Variants in DSPP observed in about 807,000 individuals in gnomAD.
DSPP encodes dentin sialophosphoprotein.
Under a neutral mutation model 29.1 loss-of-function variants are expected in DSPP, and 28 were observed. The ratio of observed to expected loss-of-function variants is 0.96; its 90% CI spans 0.71 to 1.32. The LOEUF is 1.32. DSPP is among the 40% of genes most tolerant of loss of function. The pLI is 0.00. For synonymous variants in DSPP, 481 were observed against 503.4 expected (o/e 0.96, Z 0.60); for missense variants, 1,281 against 1,629.9 (o/e 0.79, Z 3.69).
rs1489598047 is a variant in DSPP, at chr4:87,614,506, ATAG to A, written c.1849_1851del (p.Ser617del). The A allele has an allele frequency of 9.7e-6, 15 of 1,551,438 alleles. No individual in the cohort carries two copies. The highest frequency in any genetic ancestry group is 5.9e-5 in the South Asian group (5 of 84,036). On this transcript the variant is annotated inframe_deletion, in exon 5 of 5. Coordinates refer to ENST00000651931, the MANE Select transcript of DSPP (RefSeq NM_014208.3). ...AGCAGTGATAGCAGTGACAGTAGTGATAGTAGTGACAGCAGTGACAGCAAGTCA... is the reference window on the plus strand; with the variant it reads ...AGCAGTGATAGCAGTGACAGTAGTGATAGTGACAGCAGTGACAGCAAGTCA...
At position 87,613,513 on chromosome 4, in the gene DSPP, A is replaced by G. The variant is rs544290267; in HGVS notation, c.1122+205A>G. On this transcript the variant is annotated intron_variant, in intron 4 of 4. Coordinates refer to ENST00000651931, the MANE Select transcript of DSPP (RefSeq NM_014208.3). ...TTACATTTCTGATAACTTAGTTATAATTCTAGAAAAGTCTTATGTGAAATC... is the reference window on the plus strand; with the variant it reads ...TTACATTTCTGATAACTTAGTTATAGTTCTAGAAAAGTCTTATGTGAAATC... Among the ~76,000 whole-genome samples the G allele has an allele frequency of 7.9e-4, 120 of 152,342 alleles. 1 individual carries two copies. In the South Asian group the frequency reaches 0.023, roughly 29 times the overall value.
In DSPP at chr4:87,614,623, G is replaced by A; in HGVS notation, c.1961G>A (p.Ser654Asn). ...AACAGCAGTGACAGTAGTGACAACA[G>A]TGATAGCAGCGACAGCAGCAATAGC... ...DSNSSDSSDN[S>N]DSSDSSNSSN... The change falls in exon 5 of 5, where the codon AGT (serine) becomes AAT (asparagine). Residue 654 changes from serine to asparagine, a missense_variant. Coordinates refer to ENST00000651931, the MANE Select transcript of DSPP (RefSeq NM_014208.3). The A allele has an allele frequency of 1.9e-6, 3 of 1,547,344 alleles. No homozygotes were observed. Among genetic ancestry groups the A allele is most frequent in the Non-Finnish European group, 2.6e-6 (3 of 1,143,604 alleles).
chr4:87,613,693 T>A lies in DSPP; in HGVS notation c.1123-92T>A, dbSNP rs886669764. 5.1e-6 allele frequency: 8 copies of A among 1,572,704 alleles called. No individual in the cohort carries two copies. In the East Asian group the frequency reaches 1.8e-4, roughly 35 times the overall value. ...ACTAGAAATGTAACTCCTATCCCTA[T>A]GGCAACTTTTCCCAGTTATTCTTCC... On this transcript the variant is annotated intron_variant, in intron 4 of 4. Coordinates refer to ENST00000651931, the MANE Select transcript of DSPP (RefSeq NM_014208.3).
chr4:87,613,958 A>G lies in DSPP; in HGVS notation c.1296A>G (p.Pro432=). The stretch of plus-strand genomic sequence containing the variant: ...AAGGACCTGGCCAAAAATCAGAACC[A>G]GGAAATAAAGTTGGACACAGCAATA... ...NIEGPGQKSE[P]GNKVGHSNTG... The change falls in exon 5 of 5, where the codon CCA becomes CCG. Residue 432 remains proline, a synonymous_variant. Transcript: ENST00000651931. 1.9e-6 allele frequency: 3 copies of G among 1,614,248 alleles called. No homozygotes were observed. Among genetic ancestry groups the G allele is most frequent in the Non-Finnish European group, 2.5e-6 (3 of 1,180,040 alleles).
intron 1 of DSPP, 22 bp downstream of exon 1, chr4:87,608,642 A>C (rs1560476543): frequency 6.6e-6 from 1 of 152,308 alleles, no homozygotes; most frequent in Non-Finnish European, 1.5e-5. Context: ...TATCCTTTTT[A>C]CTCAGAACCA....
Position 87,614,522 on chromosome 4 carries a change from T to G in DSPP, c.1860T>G (p.Ser620Arg). The G allele has an allele frequency of 6.4e-7, 1 of 1,550,774 alleles. No individual in the cohort carries two copies. The highest frequency in any genetic ancestry group is 8.7e-7 in the Non-Finnish European group (1 of 1,146,702). ...ACAGTAGTGATAGTAGTGACAGCAG[T>G]GACAGCAAGTCAGACAGCAGCAAAT... ...SSDSSDSSDS[S>R]DSKSDSSKSE... Residue 620 changes from serine to arginine, a missense_variant, in exon 5 of 5, where the codon AGT becomes AGG. Transcript: ENST00000651931.
Position 87,612,622 on chromosome 4 carries a change from G to T in DSPP, c.436G>T (p.Ala146Ser), listed in dbSNP as rs1727758761. The change falls in exon 4 of 5, where the codon GCT becomes TCT. Residue 146 changes from alanine (A) to serine (S), a missense_variant. Around this residue, in one of 4 missense-constraint regions of DSPP, gnomAD observed 631 missense variants for 643.2 expected, o/e 0.98. Transcript: ENST00000651931. Reference protein sequence around the residue: ...IQGQVSIIDNAGATNRSNTNG... With the variant: ...IQGQVSIIDNSGATNRSNTNG... ...GGGACAAGTAAGCATCATTGACAAT[G>T]CTGGAGCCACAAACAGAAGCAACAC... 6.2e-7 allele frequency: 1 copy of T among 1,613,978 alleles called. No homozygotes were observed. Among genetic ancestry groups the T allele is most frequent in the African/African-American group, 1.3e-5 (1 of 74,916 alleles).
intron 2 of DSPP, 63 bp from the exon 3 acceptor site, chr4:87,612,042 C>T (rs1727744084): frequency 5.9e-6 from 8 of 1,357,700 alleles, no homozygotes; most frequent in Non-Finnish European, 8.3e-6. Flanking sequence ...TGTGTGTGTG[C>T]ACGCTCACAC....
At position 87,615,530 on chromosome 4, in the gene DSPP, C is replaced by G; in HGVS notation, c.2868C>G (p.Ser956Arg). Residue 956 changes from serine (S) to arginine (R), a missense_variant, in exon 5 of 5, where the codon AGC becomes AGG. By Grantham distance (110) the Ser-to-Arg change is moderately radical. Coordinates refer to ENST00000651931, the MANE Select transcript of DSPP (RefSeq NM_014208.3). ...GTGACAGCAGTAATAGTAGTGACAG[C>G]AGCAATAGCAGTGACAGCAGCAACA... ...DSSDSSNSSD[S>R]SNSSDSSNSS... 1 of 1,549,978 alleles carries G rather than the reference C, an allele frequency of 6.5e-7. No homozygotes were observed. The highest frequency in any genetic ancestry group is 2.0e-5 in the Admixed American group (1 of 50,888).
rs1245622564 is a variant in DSPP at position 87,614,312 on chromosome 4, T to C, written c.1650T>C (p.Ser550=). 2 of 1,613,014 alleles carry C rather than the reference T, an allele frequency of 1.2e-6. No individual in the cohort carries two copies. The highest frequency in any genetic ancestry group is 2.7e-5 in the African/African-American group (2 of 74,868). ...GTGGCAAAGGTAAATCAGATAGCAGTGACAGTGATAGTAGTGATAGCAGCA... is the reference window on the plus strand; with the variant it reads ...GTGGCAAAGGTAAATCAGATAGCAGCGACAGTGATAGTAGTGATAGCAGCA... The part of the protein sequence containing the change: ...SDSGKGKSDS[S]DSDSSDSSNS... Residue 550 remains serine, a synonymous_variant, in exon 5 of 5, where the codon AGT becomes AGC. Coordinates refer to ENST00000651931, the MANE Select transcript of DSPP (RefSeq NM_014208.3).
Position 87,610,864 on chromosome 4 carries a change from G to A in DSPP, c.-28-17G>A. 6.5e-7 allele frequency: 1 copy of A among 1,530,686 alleles called. No individual in the cohort carries two copies. Among genetic ancestry groups the A allele is most frequent in the Non-Finnish European group, 9.1e-7 (1 of 1,104,492 alleles). The allele number at this position is 1,530,686 out of a possible 1,614,324, so 94.8% of individuals were successfully genotyped here. On this transcript the variant is annotated splice_polypyrimidine_tract_variant and intron_variant, in intron 1 of 4. Transcript: ENST00000651931. ...TTTACTTTATAAGTAATTTTGTGCT[G>A]TTCCTTTTTTATACAGCCATTGATT...
Position 87,612,908 on chromosome 4 carries a change from A to G in DSPP, c.722A>G (p.Asn241Ser), listed in dbSNP as rs1224691214. ...PGTGEDAGLD[N>S]SDGSPSGNGA... Reference sequence around the variant, plus strand: ...ACTGGAGAAGATGCTGGCCTGGATAATTCCGATGGGAGTCCTAGTGGGAAT... The same window carrying G: ...ACTGGAGAAGATGCTGGCCTGGATAGTTCCGATGGGAGTCCTAGTGGGAAT... The change falls in exon 4 of 5, where the codon AAT becomes AGT. Residue 241 changes from asparagine to serine, a missense_variant. Asn to Ser is a conservative substitution (Grantham distance 46). This residue lies in a region of DSPP where 631 missense variants were observed against 643.2 expected (regional missense o/e 0.98). Coordinates refer to ENST00000651931, the MANE Select transcript of DSPP (RefSeq NM_014208.3). The G allele has an allele frequency of 3.1e-6, 5 of 1,614,058 alleles. No homozygotes were observed. Among genetic ancestry groups the G allele is most frequent in the Non-Finnish European group, 4.2e-6 (5 of 1,180,030 alleles).
Position 87,613,908 on chromosome 4 carries a change from A to G in DSPP, c.1246A>G (p.Thr416Ala). ...GATCTTGGGCAAAGGCAATGTCAAGACACAAGGAGAGGTTGTCAACATAGA... is the reference window on the plus strand; with the variant it reads ...GATCTTGGGCAAAGGCAATGTCAAGGCACAAGGAGAGGTTGTCAACATAGA... The part of the protein sequence containing the change: ...GMILGKGNVK[T>A]QGEVVNIEGP... Residue 416 changes from threonine to alanine, a missense_variant, in exon 5 of 5, where the codon ACA (threonine) becomes GCA (alanine). This residue lies in a region of DSPP where 631 missense variants were observed against 643.2 expected (regional missense o/e 0.98). Coordinates refer to ENST00000651931, the MANE Select transcript of DSPP (RefSeq NM_014208.3). 1.2e-6 allele frequency: 2 copies of G among 1,614,250 alleles called. No individual in the cohort carries two copies.
At position 87,614,619 on chromosome 4, in the gene DSPP, A is replaced by C; in HGVS notation, c.1957A>C (p.Asn653His). The change falls in exon 5 of 5, where the codon AAC (asparagine) becomes CAC (histidine). Residue 653 changes from asparagine to histidine, a missense_variant. By Grantham distance (68) the Asn-to-His change is moderately conservative. Around this residue, in one of 4 missense-constraint regions of DSPP, gnomAD observed 444 missense variants for 611.4 expected, o/e 0.73. Coordinates refer to ENST00000651931, the MANE Select transcript of DSPP (RefSeq NM_014208.3). ...CAGCAACAGCAGTGACAGTAGTGAC[A>C]ACAGTGATAGCAGCGACAGCAGCAA... ...SDSNSSDSSD[N>H]SDSSDSSNSS... The C allele has an allele frequency of 6.5e-7, 1 of 1,548,272 alleles. No homozygotes were observed. Among genetic ancestry groups the C allele is most frequent in the African/African-American group, 1.4e-5 (1 of 73,060 alleles).
Position 87,616,347 on chromosome 4 carries a change from A to T in DSPP, c.3685A>T (p.Ser1229Cys). ...SSDSSDSSDS[S>C]DSNESSDSSD... ...CGACAGCAGTGACAGCAGCGACAGC[A>T]GTGACAGCAATGAAAGCAGCGACAG... is the stretch of plus-strand genomic sequence containing the variant. The change falls in exon 5 of 5, where the codon AGT (serine) becomes TGT (cysteine). Residue 1229 changes from serine to cysteine, a missense_variant. Coordinates refer to ENST00000651931, the MANE Select transcript of DSPP (RefSeq NM_014208.3). The T allele has an allele frequency of 6.6e-7, 1 of 1,513,664 alleles. No individual in the cohort carries two copies. Among genetic ancestry groups the T allele is most frequent in the Non-Finnish European group, 8.9e-7 (1 of 1,122,172 alleles). The allele number at this position is 1,513,664 out of a possible 1,614,324, so 93.8% of individuals were successfully genotyped here.
In DSPP at chr4:87,614,634, G is replaced by GACAGCAGCAATAGCAGTA; in HGVS notation, c.1980_1997dup (p.Asn661_Ser666dup). The GACAGCAGCAATAGCAGTA allele has an allele frequency of 6.5e-7, 1 of 1,542,828 alleles. No individual in the cohort carries two copies. The stretch of plus-strand genomic sequence containing the variant: ...CAGTAGTGACAACAGTGATAGCAGC[G>GACAGCAGCAATAGCAGTA]ACAGCAGCAATAGCAGTAACAGCAG... On this transcript the variant is annotated inframe_insertion, in exon 5 of 5. Coordinates refer to ENST00000651931, the MANE Select transcript of DSPP (RefSeq NM_014208.3).
In DSPP at chr4:87,614,645, TAGC is replaced by T; in HGVS notation, c.1986_1988del (p.Ser663del). 4 of 1,542,246 alleles carry T rather than the reference TAGC, an allele frequency of 2.6e-6. No individual in the cohort carries two copies. Among genetic ancestry groups the T allele is most frequent in the Non-Finnish European group, 3.5e-6 (4 of 1,140,118 alleles). On this transcript the variant is annotated inframe_deletion, in exon 5 of 5. Coordinates refer to ENST00000651931, the MANE Select transcript of DSPP (RefSeq NM_014208.3). ...ACAGTGATAGCAGCGACAGCAGCAA[TAGC>T]AGTAACAGCAGTGATAGTAGTGACA...
At position 87,615,801 on chromosome 4, in the gene DSPP, G is replaced by C. The variant is rs770239442; in HGVS notation, c.3139G>C (p.Asp1047His). Residue 1047 changes from aspartate (D) to histidine (H), a missense_variant, in exon 5 of 5, where the codon GAT (aspartate) becomes CAT (histidine). Coordinates refer to ENST00000651931, the MANE Select transcript of DSPP (RefSeq NM_014208.3). ...CAGCAGCGATAGCAGTGACAGCAGC[G>C]ATAGCAGTGACAGCAGTGACAGCAG... ...SDSSDSSDSS[D>H]SSDSSDSSNS... The C allele has an allele frequency of 6.7e-7, 1 of 1,489,864 alleles. No homozygotes were observed. Among genetic ancestry groups the C allele is most frequent in the South Asian group, 1.2e-5 (1 of 80,812 alleles). 92.3% of individuals were successfully genotyped at this position (1,489,864 alleles called of 1,614,324 possible).
rs1425998209 is a variant in DSPP, at chr4:87,614,609, CAGT to C, written c.1951_1953del (p.Ser651del). ...ACAGCAGTGACAGCAACAGCAGTGACAGTAGTGACAACAGTGATAGCAGCGACA... is the reference window on the plus strand; with the variant it reads ...ACAGCAGTGACAGCAACAGCAGTGACAGTGACAACAGTGATAGCAGCGACA... On this transcript the variant is annotated inframe_deletion, in exon 5 of 5. Transcript: ENST00000651931. The C allele has an allele frequency of 3.9e-6, 6 of 1,547,962 alleles. No individual in the cohort carries two copies. In the African/African-American group the frequency reaches 5.5e-5, roughly 14 times the overall value.
Sources: gnomAD v4.1 joint callset for allele counts (sites outside exome capture counted in the v4.1 genomes callset) on GRCh38, gnomAD v4.1.1 for gene constraint, gnomAD v4.1.1 regional missense constraint, MANE v1.5 for transcripts, NCBI Gene and HGNC (gene_info 2026-07-23, HGNC 2026-07-21) for gene names.